ST18: variants seen among roughly 807,000 people sequenced by gnomAD.
The protein encoded by ST18 is suppression of tumorigenicity 18 protein.
Under a neutral mutation model 110.0 loss-of-function variants are expected in ST18, and 50 were observed. The observed-to-expected ratio is 0.45, with a 90% CI of 0.36 to 0.58. The LOEUF (loss-of-function observed/expected upper bound fraction) is 0.58, where lower values mean the gene tolerates loss of function less well. ST18 is among the 20% of genes least tolerant of loss of function. The pLI is 0.00. For synonymous variants in ST18, 461 were observed against 452.4 expected, an observed-to-expected ratio of 1.02 and a Z score of -0.24; for missense variants, 1,306 against 1,280.1, an observed-to-expected ratio of 1.02 and a Z score of -0.31.
chr8:52,155,932 A>T (rs917373185), intron 15 of ST18, among the ~76,000 whole-genome samples: 12 of 152,120 alleles, frequency 7.9e-5, no homozygotes, highest in African/African-American at 2.9e-4. Flanking sequence ...TGACAGTAAG[A>T]TCTGTAATTC....
chr8:52,305,248 C>T (rs1172128305), intron 2 of ST18, among the ~76,000 whole-genome samples: 2 of 152,162 alleles, frequency 1.3e-5, no homozygotes, highest in Non-Finnish European at 2.9e-5. Flanking sequence ...AGGTCATGCC[C>T]TCCTTTGGAA....
At chr8:52,122,088 C>T (rs2045125883) in intron 23 of ST18, among the ~76,000 whole-genome samples, 3 of 152,312 alleles carry the variant, frequency 2.0e-5, no homozygotes, top group South Asian at 4.1e-4. Context: ...TGCTGATCCG[C>T]CTTCCTTGCC....
intron 2 of ST18, among the ~76,000 whole-genome samples, chr8:52,250,201 T>C (rs1291155006): frequency 2.0e-5 from 3 of 151,818 alleles, no homozygotes; most frequent in Admixed American, 6.6e-5. Flanking sequence ...CTAAAGAGTG[T>C]GGGGAGAAGG....
intron 23 of ST18, 117 bp downstream of exon 23, chr8:52,125,935 T>C: frequency 1.2e-6 from 1 of 812,800 alleles, no homozygotes; most frequent in Non-Finnish European, 1.9e-6. Context: ...GAAACCTTTC[T>C]TCTTGTACAT....
chr8:52,253,812 A>G (rs909544782), intron 2 of ST18, among the ~76,000 whole-genome samples: 2 of 152,096 alleles, frequency 1.3e-5, no homozygotes, highest in Admixed American at 1.3e-4. Context: ...TTCATATCAA[A>G]TAGTCTCTCT....
At chr8:52,124,970 C>T (rs2046435644) in intron 23 of ST18, among the ~76,000 whole-genome samples, 1 of 152,170 alleles carries the variant, frequency 6.6e-6, no homozygotes, top group Non-Finnish European at 1.5e-5. Context: ...AAGTCCCCAG[C>T]TCAATTCTAG....
chr8:52,160,211 C>G lies in ST18; in HGVS notation c.1595-1102G>C, dbSNP rs536174997. 1.6e-4 allele frequency among the ~76,000 whole-genome samples: 25 copies of G among 152,250 alleles called. No individual in the cohort carries two copies. In the South Asian group the frequency reaches 5.2e-3, roughly 32 times the overall value. ...AAAATTGTATATCTGTATAGGCACA[C>G]ACAAAATTGCATGGATAGATAGATA... On this transcript the variant is annotated intron_variant, in intron 14 of 25. Transcript: ENST00000689386.
intron 2 of ST18, among the ~76,000 whole-genome samples, chr8:52,291,904 T>C (rs1417561470): frequency 2.0e-5 from 3 of 152,120 alleles, no homozygotes; most frequent in Non-Finnish European, 2.9e-5. Context: ...TCTCTCGAGA[T>C]AGCTGGGACC....
At chr8:52,294,687 T>A (rs889237922) in intron 2 of ST18, 3 of 152,272 alleles carry the variant, frequency 2.0e-5, no homozygotes, top group African/African-American at 7.2e-5. Context: ...TTTCAATGTA[T>A]GCCCAGAGAG....
chr8:52,141,645 A>ATGT (rs10657083), intron 17 of ST18, among the ~76,000 whole-genome samples: 47,747 of 151,876 alleles, frequency 0.31, 11,170 homozygotes, highest in African/African-American at 0.67. Context: ...CACATAAGTG[A>ATGT]TTGAGAGAAG....
At chr8:52,291,824 G>T (rs936546481) in intron 2 of ST18, among the ~76,000 whole-genome samples, 1 of 152,076 alleles carries the variant, frequency 6.6e-6, no homozygotes, top group African/African-American at 2.4e-5. Flanking sequence ...ACCCAGGCAG[G>T]AGTGCCGTGG....
intron 8 of ST18, among the ~76,000 whole-genome samples, chr8:52,200,187 A>G (rs907978589): frequency 6.1e-5 from 5 of 81,996 alleles, no homozygotes; most frequent in Non-Finnish European, 1.1e-4. Flanking sequence ...TATTCTTATG[A>G]AAAAAAGACA....
At chr8:52,332,143 T>C (rs1441028009) in intron 2 of ST18, among the ~76,000 whole-genome samples, 3 of 152,044 alleles carry the variant, frequency 2.0e-5, no homozygotes, top group Admixed American at 2.0e-4. Flanking sequence ...TAACCACTCA[T>C]TGTTACCAGT....
chr8:52,264,610 C>T (rs907211551), intron 2 of ST18, among the ~76,000 whole-genome samples: 1 of 152,142 alleles, frequency 6.6e-6, no homozygotes, highest in African/African-American at 2.4e-5. Flanking sequence ...CTTTTGTCCT[C>T]ATGGTTTGAA....
intron 2 of ST18, among the ~76,000 whole-genome samples, chr8:52,309,096 A>T (rs1204441957): frequency 3.3e-5 from 5 of 152,200 alleles, no homozygotes; most frequent in Admixed American, 3.3e-4. Context: ...ACCTTATATA[A>T]GGGTCGGTAC....
At chr8:52,266,766 G>T (rs184703381) in intron 2 of ST18, among the ~76,000 whole-genome samples, 19 of 152,042 alleles carry the variant, frequency 1.2e-4, no homozygotes, top group Admixed American at 5.9e-4. Context: ...CTGGTTTCAA[G>T]CTCCTGACCT....
intron 2 of ST18, among the ~76,000 whole-genome samples, chr8:52,395,472 C>G (rs201595360): frequency 2.0e-5 from 3 of 152,140 alleles, no homozygotes; most frequent in African/African-American, 4.8e-5. Flanking sequence ...AAGGGAACCA[C>G]GAAGATATCT....
chr8:52,152,568 G>A (rs1037273271), intron 15 of ST18, among the ~76,000 whole-genome samples: 1 of 152,146 alleles, frequency 6.6e-6, no homozygotes, highest in Non-Finnish European at 1.5e-5. Context: ...GCTACCTGAT[G>A]CTACCTACAT....
At chr8:52,178,634 AAAAAAAAAACCACC>A (rs1342668553) in intron 9 of ST18, among the ~76,000 whole-genome samples, 1 of 131,584 alleles carries the variant, frequency 7.6e-6, no homozygotes, top group African/African-American at 3.5e-5. Context: ...AAAAAAAAAA[AAAAAAAAAACCACC>A]AAAAACCAAA....
Sources: allele counts gnomAD v4.1 joint callset (sites outside exome capture counted in the v4.1 genomes callset), GRCh38; gene constraint gnomAD v4.1.1; transcripts MANE v1.5; gene names NCBI Gene and HGNC (gene_info 2026-07-23, HGNC 2026-07-21).